Variants in RHEB observed in about 807,000 individuals in gnomAD.
RHEB encodes Ras homolog, mTORC1 binding, also known as GTP-binding protein Rheb.
RHEB carries 2 observed loss-of-function variants against 28.8 expected under a neutral mutation model. The ratio of observed to expected loss-of-function variants is 0.07; its 90% confidence interval spans 0.03 to 0.22. The LOEUF (loss-of-function observed/expected upper bound fraction) is 0.22, where lower values mean the gene tolerates loss of function less well. Among genes scored for constraint, RHEB ranks in the 10% least tolerant of loss-of-function variants. RHEB has a pLI of 1.00. For missense variants in RHEB, 76 were observed against 219.9 expected, an observed-to-expected ratio of 0.35 and a Z score of 4.14; for synonymous variants, 69 against 77.3, an observed-to-expected ratio of 0.89 and a Z score of 0.56.
chr7:151,469,390 G>A (rs1802118854), intron 7 of RHEB, among the ~76,000 whole-genome samples: 1 of 152,182 alleles, frequency 6.6e-6, no homozygotes, highest in Admixed American at 6.5e-5. Context: ...TCTTTCAGCT[G>A]GATGGATCCA....
intron 2 of RHEB, among the ~76,000 whole-genome samples, chr7:151,488,427 C>T (rs1175328140): frequency 6.6e-6 from 1 of 152,198 alleles, no homozygotes; most frequent in African/African-American, 2.4e-5. Context: ...ATTTCCAGAT[C>T]TACAGAGCAG....
At chr7:151,505,145 T>C (rs1476221181) in intron 1 of RHEB, among the ~76,000 whole-genome samples, 1 of 144,152 alleles carries the variant, frequency 6.9e-6, no homozygotes, top group Non-Finnish European at 1.5e-5. Context: ...GACAGATTCC[T>C]GACACGATAC....
chr7:151,479,411 A>G (rs1451337313), intron 3 of RHEB, among the ~76,000 whole-genome samples: 3 of 152,302 alleles, frequency 2.0e-5, no homozygotes, highest in East Asian at 3.9e-4. Context: ...GGCCGGGCAC[A>G]ATGGCTCACG....
rs1023703281 is a variant in RHEB, at chr7:151,516,518, G to A, written c.52+2942C>T. 6.6e-5 allele frequency among the ~76,000 whole-genome samples: 10 copies of A among 151,340 alleles called. No homozygotes were observed. The South Asian group carries it at 2.1e-3, about 32-fold the overall frequency. On this transcript the variant is annotated intron_variant, in intron 1 of 7. Coordinates refer to ENST00000262187, the MANE Select transcript of RHEB (RefSeq NM_005614.4). ...GGCGCCTGTTATCCCAGCTACTTGG[G>A]AGGCTGAGGCAGGAGAATCGGTTGA...
At chr7:151,505,097 G>GA (rs1802845260) in intron 1 of RHEB, among the ~76,000 whole-genome samples, 1 of 90,900 alleles carries the variant, frequency 1.1e-5, no homozygotes, top group African/African-American at 4.7e-5. Flanking sequence ...GCTTAAAAGT[G>GA]AAAACAAAAA....
intron 2 of RHEB, among the ~76,000 whole-genome samples, chr7:151,489,752 T>C (rs1004143045): frequency 6.6e-6 from 1 of 152,260 alleles, no homozygotes; most frequent in Non-Finnish European, 1.5e-5. Flanking sequence ...TTGAATTTCA[T>C]ATAATTTTCA....
chr7:151,507,253 T>C (rs1021413694), intron 1 of RHEB, among the ~76,000 whole-genome samples: 2 of 152,184 alleles, frequency 1.3e-5, no homozygotes, highest in African/African-American at 4.8e-5. Flanking sequence ...TGACACACAA[T>C]GCCAATCATA....
At chr7:151,487,444 G>T (rs1802498361) in intron 2 of RHEB, among the ~76,000 whole-genome samples, 1 of 151,918 alleles carries the variant, frequency 6.6e-6, no homozygotes, top group South Asian at 2.1e-4. Context: ...CCTGAACCAG[G>T]GCACCCCATG....
intron 1 of RHEB, among the ~76,000 whole-genome samples, chr7:151,510,984 C>A (rs556271275): frequency 3.3e-5 from 5 of 151,996 alleles, no homozygotes; most frequent in Non-Finnish European, 7.4e-5. Context: ...GAGGCTGAGG[C>A]GGGAGGATCC....
chr7:151,479,998 G>C (rs1802354025), intron 3 of RHEB, among the ~76,000 whole-genome samples: 1 of 152,142 alleles, frequency 6.6e-6, no homozygotes, highest in South Asian at 2.1e-4. Flanking sequence ...ATTATTAAAA[G>C]TACACTGCAT....
At chr7:151,489,012 A>G (rs2150928428) in intron 2 of RHEB, among the ~76,000 whole-genome samples, 1 of 152,280 alleles carries the variant, frequency 6.6e-6, no homozygotes, top group Non-Finnish European at 1.5e-5. Context: ...ATGATTACAG[A>G]TCACTGCAGC....
At chr7:151,493,900 A>C (rs983074567) in intron 1 of RHEB, among the ~76,000 whole-genome samples, 1 of 152,194 alleles carries the variant, frequency 6.6e-6, no homozygotes, top group African/African-American at 2.4e-5. Flanking sequence ...GAGTAAAAAA[A>C]AAACAAACTG....
chr7:151,467,263 A>G (rs757654395), intron 7 of RHEB, 52 bp from the exon 8 acceptor site: 2 of 1,330,340 alleles, frequency 1.5e-6, no homozygotes, highest in Middle Eastern at 1.8e-4. Context: ...CCGAACTCCG[A>G]GAGTATTTTA....
chr7:151,518,015 G>A (rs1167486901), intron 1 of RHEB: 2 of 151,776 alleles, frequency 1.3e-5, no homozygotes, highest in African/African-American at 4.9e-5. Context: ...AATAAAGGCT[G>A]GATCCCAGGT....
intron 7 of RHEB, among the ~76,000 whole-genome samples, chr7:151,469,178 T>G (rs539832101): frequency 4.6e-5 from 7 of 152,232 alleles, no homozygotes; most frequent in Non-Finnish European, 1.0e-4. Flanking sequence ...TCAGTTTTTT[T>G]CATCCGCACA....
At chr7:151,478,387 G>GA (rs558537520) in intron 3 of RHEB, among the ~76,000 whole-genome samples, 8,975 of 115,442 alleles carry the variant, frequency 0.078, 797 homozygotes, top group African/African-American at 0.25. Flanking sequence ...GTTCTTTAAA[G>GA]AAAAAAAAAA....
At chr7:151,496,790 G>GT (rs1401926398) in intron 1 of RHEB, among the ~76,000 whole-genome samples, 6 of 151,570 alleles carry the variant, frequency 4.0e-5, no homozygotes, top group East Asian at 1.9e-4. Context: ...GTTTTGTTTT[G>GT]TTTTTTTGAG....
At chr7:151,500,354 T>C (rs182555244) in intron 1 of RHEB, among the ~76,000 whole-genome samples, 3 of 152,304 alleles carry the variant, frequency 2.0e-5, no homozygotes, top group East Asian at 3.9e-4. Context: ...AAACAAAGTA[T>C]GTACCTGGTT....
At chr7:151,491,042 G>A (rs1370065428) in intron 1 of RHEB, 28 bp from the exon 2 acceptor site, 2 of 1,557,632 alleles carry the variant, frequency 1.3e-6, no homozygotes, top group East Asian at 2.2e-5. Context: ...AGCTTAGTGT[G>A]TGTTGGCATA....
Sources: gnomAD v4.1 joint callset for allele counts (sites outside exome capture counted in the v4.1 genomes callset) on GRCh38, gnomAD v4.1.1 for gene constraint, MANE v1.5 for transcripts, NCBI Gene and HGNC (gene_info 2026-07-23, HGNC 2026-07-21) for gene names.